The following SWT1 variants were observed in gnomAD, a reference collection of about 807,000 sequenced individuals.
SWT1 encodes the protein SWT1 RNA endoribonuclease homolog.
SWT1 carries 33 observed loss-of-function variants against 107.3 expected under a neutral mutation model. That is an observed-to-expected ratio of 0.31 (90% CI 0.23 to 0.41). The LOEUF is 0.41. Ranked by LOEUF, SWT1 falls within the 10% of genes least tolerant of loss-of-function variation. The pLI is 1.00. For missense variants in SWT1, 898 were observed against 1,028.9 expected, an observed-to-expected ratio of 0.87 and a Z score of 1.74; for synonymous variants, 345 against 348.3, an observed-to-expected ratio of 0.99 and a Z score of 0.11.
intron 18 of SWT1, among the ~76,000 whole-genome samples, chr1:185,278,455 A>T (rs1298448630): frequency 1.3e-5 from 2 of 152,152 alleles, no homozygotes; most frequent in African/African-American, 2.4e-5. Context: ...TAAGCTCCCC[A>T]ATCTAAGATA....
At chr1:185,167,961 G>T (rs536391035) in intron 3 of SWT1, among the ~76,000 whole-genome samples, 1 of 151,986 alleles carries the variant, frequency 6.6e-6, no homozygotes, top group Admixed American at 6.6e-5. Context: ...TCTACTTCTC[G>T]TCTTTATTAT....
chr1:185,222,514 C>T lies in SWT1; in HGVS notation c.2309+478C>T, dbSNP rs146569259. Among the ~76,000 whole-genome samples the T allele has an allele frequency of 1.5e-3, 227 of 151,984 alleles. 2 individuals are homozygous for T. The East Asian group carries it at 0.023, about 16-fold the overall frequency. On this transcript the variant is annotated intron_variant, in intron 15 of 18. Coordinates refer to ENST00000367500, the MANE Select transcript of SWT1 (RefSeq NM_017673.7). Reference sequence around the variant, plus strand: ...GCTTACACCCATAGTCCCAGCACTTCGGGAGGCAGAGGTGAGTGGATCACT... The same window carrying T: ...GCTTACACCCATAGTCCCAGCACTTTGGGAGGCAGAGGTGAGTGGATCACT...
chr1:185,215,612 C>G (rs1659155727), intron 14 of SWT1, among the ~76,000 whole-genome samples: 1 of 152,126 alleles, frequency 6.6e-6, no homozygotes, highest in Non-Finnish European at 1.5e-5. Context: ...GATCAGGGCT[C>G]ACTGCAACCT....
intron 16 of SWT1, among the ~76,000 whole-genome samples, chr1:185,245,497 C>T (rs1387377665): frequency 6.6e-6 from 1 of 151,744 alleles, no homozygotes; most frequent in Non-Finnish European, 1.5e-5. Context: ...AGGAATATAC[C>T]CTAAAATAAT....
rs539202656 is a variant in SWT1, at chr1:185,195,465, G to C, written c.1523+4823G>C. 1.4e-3 allele frequency among the ~76,000 whole-genome samples: 219 copies of C among 152,312 alleles called. 2 individuals carry two copies. Among genetic ancestry groups the C allele is most frequent in the African/African-American group, 5.0e-3 (209 of 41,572 alleles). ...ATAGTGCCGCAATAAACATATGTGTGCATGTGTCTTTATAGTAGCATGACT... is the reference window on the plus strand; with the variant it reads ...ATAGTGCCGCAATAAACATATGTGTCCATGTGTCTTTATAGTAGCATGACT... On this transcript the variant is annotated intron_variant, in intron 10 of 18. Coordinates refer to ENST00000367500, the MANE Select transcript of SWT1 (RefSeq NM_017673.7).
intron 11 of SWT1, among the ~76,000 whole-genome samples, chr1:185,203,679 A>G (rs1239376068): frequency 2.0e-5 from 3 of 151,950 alleles, no homozygotes; most frequent in Admixed American, 6.6e-5. Flanking sequence ...TCACCAGAAT[A>G]ATCTGTTCTG....
chr1:185,159,329 C>G (rs909261836), intron 1 of SWT1, among the ~76,000 whole-genome samples: 4 of 152,178 alleles, frequency 2.6e-5, no homozygotes, highest in African/African-American at 9.7e-5. Flanking sequence ...ATAGGAATTT[C>G]ACACTAGTAT....
rs201555197 is a variant in SWT1, at chr1:185,175,033, A to T, written c.886A>T (p.Thr296Ser). 1.2e-4 allele frequency: 188 copies of T among 1,612,698 alleles called. No individual in the cohort carries two copies. Among genetic ancestry groups the T allele is most frequent in the Non-Finnish European group, 1.6e-4 (183 of 1,179,662 alleles). Reference protein sequence around the residue: ...HLLSDFTYKRTVHEWKRKHHY... With the variant: ...HLLSDFTYKRSVHEWKRKHHY... ...ACTTTCAGATTTTACATATAAGCGG[A>T]CTGTTCATGAGTGGAAACGAAAACA... Residue 296 changes from threonine (T) to serine (S), a missense_variant, in exon 5 of 19, where the codon ACT (threonine) becomes TCT (serine). This residue lies in a region of SWT1 where 382 missense variants were observed against 362.4 expected (regional missense o/e 1.05). Transcript: ENST00000367500.
chr1:185,282,747 T>C (rs1664713947), intron 18 of SWT1, among the ~76,000 whole-genome samples: 1 of 152,026 alleles, frequency 6.6e-6, no homozygotes, highest in South Asian at 2.1e-4. Flanking sequence ...AGTGTCAGAA[T>C]TGAATTGAAT....
intron 11 of SWT1, among the ~76,000 whole-genome samples, chr1:185,203,654 T>C (rs1317398983): frequency 6.6e-6 from 1 of 151,906 alleles, no homozygotes; most frequent in Non-Finnish European, 1.5e-5. Context: ...GACAATACTA[T>C]TATTTCATTT....
intron 16 of SWT1, among the ~76,000 whole-genome samples, chr1:185,260,428 A>G (rs1032958097): frequency 3.9e-5 from 6 of 152,198 alleles, no homozygotes; most frequent in South Asian, 2.1e-4. Flanking sequence ...GGAAATGTTC[A>G]TAAGACTAGC....
chr1:185,259,976 G>T (rs1662907980), intron 16 of SWT1, among the ~76,000 whole-genome samples: 1 of 152,136 alleles, frequency 6.6e-6, no homozygotes, highest in African/African-American at 2.4e-5. Flanking sequence ...CATCTCTTAG[G>T]GTGGGTATTA....
At chr1:185,176,883 T>C in intron 5 of SWT1, 1 of 427,598 alleles carries the variant, frequency 2.3e-6, no homozygotes, top group South Asian at 9.8e-5. Context: ...ACTTGGGAGA[T>C]TGAGGCAGGA....
At chr1:185,191,683 G>A (rs1656963864) in intron 10 of SWT1, among the ~76,000 whole-genome samples, 1 of 152,092 alleles carries the variant, frequency 6.6e-6, no homozygotes, top group Non-Finnish European at 1.5e-5. Context: ...TTTGGAGTTT[G>A]TTGAAGGCTG....
intron 6 of SWT1, among the ~76,000 whole-genome samples, chr1:185,180,918 T>G (rs1655968034): frequency 6.6e-6 from 1 of 152,218 alleles, no homozygotes; most frequent in Admixed American, 6.5e-5. Flanking sequence ...TAGAATTTTA[T>G]GTTGACTTGT....
chr1:185,160,984 A>G, intron 2 of SWT1, 59 bp downstream of exon 2: 1 of 1,182,660 alleles, frequency 8.5e-7, no homozygotes, highest in South Asian at 1.3e-5. Context: ...GCTTAATGAA[A>G]AAAATACACC....
At chr1:185,188,527 C>T (rs1656682974) in intron 9 of SWT1, among the ~76,000 whole-genome samples, 1 of 152,204 alleles carries the variant, frequency 6.6e-6, no homozygotes, top group South Asian at 2.1e-4. Context: ...ATCTTCCTCA[C>T]ACTCATGTCC....
intron 16 of SWT1, among the ~76,000 whole-genome samples, chr1:185,236,096 C>A (rs1558063310): frequency 6.6e-6 from 1 of 152,136 alleles, no homozygotes; most frequent in Non-Finnish European, 1.5e-5. Flanking sequence ...TAGGAAGAAT[C>A]AATATCATCA....
At chr1:185,276,731 TTGGTGG>T (rs1157560724) in intron 18 of SWT1, 63 bp downstream of exon 18, 8 of 829,382 alleles carry the variant, frequency 9.6e-6, no homozygotes, top group South Asian at 4.4e-5. Context: ...ACAGCAGCAC[TTGGTGG>T]TGGTGGTGGT....
Sources: allele counts gnomAD v4.1 joint callset (sites outside exome capture counted in the v4.1 genomes callset), GRCh38; gene constraint gnomAD v4.1.1; regional missense constraint gnomAD v4.1.1; transcripts MANE v1.5; gene names NCBI Gene and HGNC (gene_info 2026-07-23, HGNC 2026-07-21).